CNTNAP2: variants seen among roughly 807,000 people sequenced by gnomAD.
CNTNAP2 encodes contactin-associated protein-like 2.
In CNTNAP2, 98 loss-of-function variants were observed where a neutral mutation model predicts 155.2. The ratio of observed to expected loss-of-function variants is 0.63; its 90% CI spans 0.54 to 0.75. CNTNAP2 has a LOEUF of 0.75. Ranked by LOEUF, CNTNAP2 falls within the 30% of genes least tolerant of loss-of-function variation. The pLI, the probability that CNTNAP2 is intolerant of heterozygous loss-of-function variation, is 0.00. For missense variants in CNTNAP2, 1,727 were observed against 1,688.1 expected, an observed-to-expected ratio of 1.02 and a Z score of -0.40; for synonymous variants, 651 against 631.2, an observed-to-expected ratio of 1.03 and a Z score of -0.47.
At chr7:146,484,204 G>A (rs1215668082) in intron 1 of CNTNAP2, among the ~76,000 whole-genome samples, 4 of 152,144 alleles carry the variant, frequency 2.6e-5, no homozygotes, top group Non-Finnish European at 5.9e-5. Context: ...GTGCGTAGTG[G>A]TGTGTACCAT....
At chr7:146,360,573 C>T (rs1035505349) in intron 1 of CNTNAP2, among the ~76,000 whole-genome samples, 1 of 152,060 alleles carries the variant, frequency 6.6e-6, no homozygotes, top group Non-Finnish European at 1.5e-5. Flanking sequence ...TGGATGTTAC[C>T]ATATTCAAAG....
chr7:146,273,086 AAGAGAGAG>A (rs58582637), intron 1 of CNTNAP2, among the ~76,000 whole-genome samples: 6 of 138,064 alleles, frequency 4.3e-5, no homozygotes, highest in Non-Finnish European at 9.2e-5. Context: ...GAGAAAGAGA[AAGAGAGAG>A]AGAGAGAGAG....
intron 4 of CNTNAP2, among the ~76,000 whole-genome samples, chr7:147,075,983 A>G (rs1222989702): frequency 6.6e-6 from 1 of 152,190 alleles, no homozygotes; most frequent in Admixed American, 6.5e-5. Context: ...ATGGCTGCGT[A>G]GTATTCCATG....
chr7:146,207,492 A>G (rs2116878029), intron 1 of CNTNAP2, among the ~76,000 whole-genome samples: 1 of 152,142 alleles, frequency 6.6e-6, no homozygotes, highest in Middle Eastern at 3.4e-3. Flanking sequence ...TATACAAATA[A>G]CATACTACAT....
chr7:146,938,165 C>G (rs1192620120), intron 3 of CNTNAP2, among the ~76,000 whole-genome samples: 1 of 151,958 alleles, frequency 6.6e-6, no homozygotes, highest in Non-Finnish European at 1.5e-5. Flanking sequence ...ATTTACAGAG[C>G]AAGAACAATG....
At chr7:147,411,971 A>G (rs1797110434) in intron 10 of CNTNAP2, among the ~76,000 whole-genome samples, 1 of 152,222 alleles carries the variant, frequency 6.6e-6, no homozygotes, top group Admixed American at 6.5e-5. Context: ...TTCAAACCAT[A>G]TATTTTATAT....
intron 1 of CNTNAP2, among the ~76,000 whole-genome samples, chr7:146,625,899 C>T (rs1484477044): frequency 5.3e-5 from 8 of 152,040 alleles, no homozygotes; most frequent in Non-Finnish European, 5.9e-5. Context: ...TGTAAAAGAA[C>T]CCTATCTTAT....
chr7:147,055,563 A>T (rs1381467418), intron 4 of CNTNAP2, among the ~76,000 whole-genome samples: 2 of 152,184 alleles, frequency 1.3e-5, no homozygotes, highest in African/African-American at 4.8e-5. Flanking sequence ...AGCAACTGAG[A>T]CCAACAGCAG....
At chr7:146,669,793 C>A (rs1011736942) in intron 1 of CNTNAP2, among the ~76,000 whole-genome samples, 3 of 152,086 alleles carry the variant, frequency 2.0e-5, no homozygotes, top group African/African-American at 7.2e-5. Context: ...AAAATTGTTT[C>A]AACCTTTTTT....
chr7:146,756,389 C>A (rs1404029488), intron 1 of CNTNAP2, among the ~76,000 whole-genome samples: 11 of 152,104 alleles, frequency 7.2e-5, no homozygotes, highest in African/African-American at 2.6e-4. Flanking sequence ...ATAACATTAT[C>A]TTCTGGGCAA....
At chr7:147,455,351 CCAATT>C (rs779042345) in intron 10 of CNTNAP2, among the ~76,000 whole-genome samples, 79 of 152,132 alleles carry the variant, frequency 5.2e-4, no homozygotes, top group Admixed American at 1.8e-3. Flanking sequence ...TATTATAACT[CCAATT>C]TAATAAGGGG....
At chr7:146,404,751 C>T (rs1483770353) in intron 1 of CNTNAP2, among the ~76,000 whole-genome samples, 1 of 152,080 alleles carries the variant, frequency 6.6e-6, no homozygotes, top group Admixed American at 6.6e-5. Context: ...ACTTGCCATG[C>T]TTCTTCCCTC....
At chr7:146,629,966 G>T (rs1585014700) in intron 1 of CNTNAP2, among the ~76,000 whole-genome samples, 1 of 151,910 alleles carries the variant, frequency 6.6e-6, no homozygotes, top group Non-Finnish European at 1.5e-5. Flanking sequence ...AAATAAATTT[G>T]ACCATATAAT....
At chr7:148,224,730 T>G (rs1795815396) in intron 19 of CNTNAP2, among the ~76,000 whole-genome samples, 1 of 152,074 alleles carries the variant, frequency 6.6e-6, no homozygotes, top group Non-Finnish European at 1.5e-5. Context: ...AAACGAAAGA[T>G]TTTCATTGAC....
At chr7:146,641,177 A>G (rs1489671834) in intron 1 of CNTNAP2, among the ~76,000 whole-genome samples, 1 of 152,058 alleles carries the variant, frequency 6.6e-6, no homozygotes, top group Non-Finnish European at 1.5e-5. Flanking sequence ...ATACAAAAAA[A>G]TTAGCCAGGC....
intron 20 of CNTNAP2, among the ~76,000 whole-genome samples, chr7:148,256,791 C>T (rs1796462594): frequency 6.6e-6 from 1 of 152,182 alleles, no homozygotes. Flanking sequence ...CCCCCAGACC[C>T]AGGCGTAGGC....
chr7:146,560,337 T>C (rs1194435457), intron 1 of CNTNAP2, among the ~76,000 whole-genome samples: 2 of 152,008 alleles, frequency 1.3e-5, no homozygotes, highest in Non-Finnish European at 2.9e-5. Context: ...AGGTTATTTA[T>C]TATGATGGTG....
At chr7:147,232,779 T>A (rs1803712497) in intron 8 of CNTNAP2, among the ~76,000 whole-genome samples, 1 of 129,714 alleles carries the variant, frequency 7.7e-6, no homozygotes, top group African/African-American at 3.1e-5. Context: ...TGGTAATGAC[T>A]TTTTTAAAAG....
At chr7:148,143,989 T>C (rs1051450607) in intron 16 of CNTNAP2, among the ~76,000 whole-genome samples, 16 of 152,154 alleles carry the variant, frequency 1.1e-4, no homozygotes, top group African/African-American at 3.9e-4. Context: ...CCTGTGGGCC[T>C]TGGGTAGGGC....
Sources: allele counts gnomAD v4.1 joint callset (sites outside exome capture counted in the v4.1 genomes callset), GRCh38; gene constraint gnomAD v4.1.1; transcripts MANE v1.5; gene names NCBI Gene and HGNC (gene_info 2026-07-23, HGNC 2026-07-21).